The following SNW1 variants were observed in gnomAD, a reference collection of about 807,000 sequenced individuals.
SNW1 encodes the protein SNW domain containing 1.
A neutral mutation model predicts 75.6 loss-of-function variants in SNW1; 9 were observed. That is an observed-to-expected ratio of 0.12 (90% CI 0.07 to 0.21). The LOEUF (loss-of-function observed/expected upper bound fraction) is 0.21. Ranked by LOEUF, SNW1 falls within the 10% of genes least tolerant of loss-of-function variation. The pLI is 1.00. For missense variants in SNW1, 409 were observed against 670.9 expected (o/e 0.61, Z 4.31); for synonymous variants, 200 against 219.1 (o/e 0.91, Z 0.77).
intron 10 of SNW1, 37 bp downstream of exon 10, chr14:77,730,951 C>T (rs1566828760): frequency 1.9e-6 from 3 of 1,594,862 alleles, no homozygotes; most frequent in Non-Finnish European, 2.6e-6. Context: ...ATTTTGTTCA[C>T]CAAGCAAAAT....
chr14:77,741,331 T>A (rs1289150555), intron 3 of SNW1, among the ~76,000 whole-genome samples: 1 of 152,052 alleles, frequency 6.6e-6, no homozygotes, highest in East Asian at 1.9e-4. Flanking sequence ...CAGGGCAACA[T>A]GGCAAGACCT....
intron 3 of SNW1, among the ~76,000 whole-genome samples, chr14:77,750,990 T>A (rs1201204574): frequency 6.6e-6 from 1 of 152,206 alleles, no homozygotes; most frequent in Non-Finnish European, 1.5e-5. Flanking sequence ...ATGGTAAGGC[T>A]CTGGGGTTGC....
rs915194828 is a variant in SNW1 at position 77,755,128 on chromosome 14, C to T, written c.15-8G>A. On this transcript the variant is annotated splice_polypyrimidine_tract_variant and splice_region_variant and intron_variant, in intron 1 of 13. Coordinates refer to ENST00000261531, the MANE Select transcript of SNW1 (RefSeq NM_012245.3). ...GTAGGTGCAGGTAAAAAGCTATAAG[C>T]AAAGATAATAAAAGTCAGAAATTTA... The T allele has an allele frequency of 6.2e-7, 1 of 1,607,746 alleles. No individual in the cohort carries two copies. The highest frequency in any genetic ancestry group is 8.5e-7 in the Non-Finnish European group (1 of 1,178,512).
chr14:77,751,235 A>G (rs1413047108), intron 3 of SNW1, 84 bp downstream of exon 3: 4 of 1,373,084 alleles, frequency 2.9e-6, no homozygotes, highest in Non-Finnish European at 4.0e-6. Context: ...AACATAATTC[A>G]AACAGCAAGA....
At chr14:77,741,632 G>C (rs2080720000) in intron 3 of SNW1, among the ~76,000 whole-genome samples, 1 of 152,060 alleles carries the variant, frequency 6.6e-6, no homozygotes, top group African/African-American at 2.4e-5. Flanking sequence ...AAAAGAGTGA[G>C]GTTCAGTACA....
intron 10 of SNW1, among the ~76,000 whole-genome samples, chr14:77,725,076 T>C (rs189875287): frequency 2.0e-5 from 3 of 152,342 alleles, no homozygotes; most frequent in Admixed American, 1.3e-4. Flanking sequence ...GTGGTTTTGA[T>C]TTGAATTTCC....
intron 10 of SNW1, among the ~76,000 whole-genome samples, chr14:77,727,257 T>C (rs1012159873): frequency 2.0e-5 from 3 of 152,294 alleles, no homozygotes; most frequent in Admixed American, 6.5e-5. Flanking sequence ...TTTCATCATG[T>C]TGGCCAGGCT....
chr14:77,728,784 T>C (rs1031506455), intron 10 of SNW1, among the ~76,000 whole-genome samples: 4 of 152,190 alleles, frequency 2.6e-5, no homozygotes, highest in African/African-American at 9.7e-5. Flanking sequence ...ACAGTCACAA[T>C]AATAGTATCA....
At chr14:77,734,549 C>G (rs188940113) in intron 8 of SNW1, among the ~76,000 whole-genome samples, 1 of 152,150 alleles carries the variant, frequency 6.6e-6, no homozygotes, top group African/African-American at 2.4e-5. Flanking sequence ...ACCAACCTGG[C>G]CAACAGGGTG....
At chr14:77,760,038 C>A (rs1004098904) in intron 1 of SNW1, among the ~76,000 whole-genome samples, 1 of 151,914 alleles carries the variant, frequency 6.6e-6, no homozygotes, top group Non-Finnish European at 1.5e-5. Flanking sequence ...TTATTCCATT[C>A]AATTCTTTTT....
In SNW1 at chr14:77,717,730, TTCC is replaced by T; in HGVS notation, c.*355_*357del. 1 of 635,668 alleles carries T rather than the reference TTCC, an allele frequency of 1.6e-6. No individual in the cohort carries two copies. Among genetic ancestry groups the T allele is most frequent in the Non-Finnish European group, 2.7e-6 (1 of 366,716 alleles). The allele number at this position is 635,668 out of a possible 1,614,324, so 39.4% of individuals were successfully genotyped here. A position where few individuals can be genotyped will look rare whatever the true frequency, so the allele number is the denominator to read the frequency against. The stretch of plus-strand genomic sequence containing the variant: ...AGGACAGTTCCAGTATGTGAACATC[TTCC>T]TCCTCACTGTGGTTGGGGTAACTTT... On this transcript the variant is annotated 3_prime_UTR_variant, in exon 14 of 14. Transcript: ENST00000261531.
chr14:77,751,541 C>A, intron 2 of SNW1, 61 bp from the exon 3 acceptor site: 1 of 1,338,560 alleles, frequency 7.5e-7, no homozygotes, highest in Non-Finnish European at 1.0e-6. Flanking sequence ...AAGATATATT[C>A]ATTCATTCAA....
intron 1 of SNW1, chr14:77,760,649 T>G: frequency 1.4e-6 from 1 of 702,370 alleles, no homozygotes. Context: ...GCCTCTTTTT[T>G]CAGGAATCCT....
chr14:77,729,639 T>C (rs1224120048), intron 10 of SNW1, among the ~76,000 whole-genome samples: 2 of 152,228 alleles, frequency 1.3e-5, no homozygotes, highest in Non-Finnish European at 2.9e-5. Flanking sequence ...CAGTACTGCA[T>C]TGTATATTTG....
chr14:77,757,526 C>G (rs2080850870), intron 1 of SNW1, among the ~76,000 whole-genome samples: 1 of 152,208 alleles, frequency 6.6e-6, no homozygotes, highest in African/African-American at 2.4e-5. Context: ...TAGACACTTT[C>G]AATACAGGTT....
intron 12 of SNW1, among the ~76,000 whole-genome samples, chr14:77,719,680 C>T (rs755981751): frequency 2.6e-5 from 4 of 152,060 alleles, no homozygotes; most frequent in Non-Finnish European, 5.9e-5. Flanking sequence ...GAAATCAAGA[C>T]ACCCAGTTTG....
In SNW1 at chr14:77,718,032, G is replaced by T; in HGVS notation, c.*56C>A. The T allele has an allele frequency of 1.4e-6, 2 of 1,458,686 alleles. No homozygotes were observed. Among genetic ancestry groups the T allele is most frequent in the South Asian group, 2.9e-5 (2 of 68,878 alleles). 90.4% of individuals were successfully genotyped at this position (1,458,686 alleles called of 1,614,324 possible). A position where few individuals can be genotyped will look rare whatever the true frequency, so the allele number is the denominator to read the frequency against. On this transcript the variant is annotated 3_prime_UTR_variant, in exon 14 of 14. Transcript: ENST00000261531. ...CCATTTACAAAGTGTTCCCCCATAT[G>T]ACTTGCATCATTAGGGTTATGGGTA...
intron 1 of SNW1, among the ~76,000 whole-genome samples, chr14:77,758,186 C>T (rs574652184): frequency 3.2e-4 from 48 of 151,902 alleles, no homozygotes; most frequent in Non-Finnish European, 6.0e-4. Flanking sequence ...AAAAATTAGC[C>T]GGGCGTGGTG....
intron 10 of SNW1, among the ~76,000 whole-genome samples, chr14:77,727,926 C>G (rs530277363): frequency 6.6e-6 from 1 of 152,078 alleles, no homozygotes; most frequent in South Asian, 2.1e-4. Context: ...GAAGCATTCC[C>G]TTCTCTTCAA....
Sources: gnomAD v4.1 joint callset for allele counts (sites outside exome capture counted in the v4.1 genomes callset) on GRCh38, gnomAD v4.1.1 for gene constraint, MANE v1.5 for transcripts, NCBI Gene and HGNC (gene_info 2026-07-23, HGNC 2026-07-21) for gene names.